SEPTIN3: variants seen among roughly 807,000 people sequenced by gnomAD.
SEPTIN3 encodes the protein septin 3.
In SEPTIN3, 15 loss-of-function variants were observed where a neutral mutation model predicts 45.1. The ratio of observed to expected loss-of-function variants is 0.33; its 90% CI spans 0.22 to 0.51. SEPTIN3 has a LOEUF of 0.51. Among genes scored for constraint, SEPTIN3 ranks in the 20% least tolerant of loss-of-function variants. The probability of loss-of-function intolerance (pLI) is 0.97; values close to 1 mark genes in which losing one functional copy is unlikely to be tolerated. For synonymous variants in SEPTIN3, 148 were observed against 164.8 expected, an observed-to-expected ratio of 0.90 and a Z score of 0.78; for missense variants, 289 against 457.2, an observed-to-expected ratio of 0.63 and a Z score of 3.35.
In SEPTIN3 at chr22:41,976,393, G is replaced by A. The variant is rs1220265923; in HGVS notation, c.1504+3397G>A. ...TCTAATGGGCAAACTGAGGCTCAGA[G>A]AAGTTCCTGTCTGGCTCAAGGTTAT... On this transcript the variant is annotated intron_variant, in intron 2 of 11. Transcript: ENST00000644076. This position sits in a 1 kb window ranked among gnomAD's most constrained non-coding sequence, Gnocchi z 5.8. 6.6e-6 allele frequency: 1 copy of A among 152,316 alleles called. No homozygotes were observed. Among genetic ancestry groups the A allele is most frequent in the Admixed American group, 6.5e-5 (1 of 15,292 alleles). The allele number at this position is 152,316 out of a possible 1,614,324, so 9.4% of individuals were successfully genotyped here.
rs59942714 is a variant in SEPTIN3, at chr22:41,994,883, CTGTGTGTGTGTGTGTGTGTGTG to C, written c.2505+188_2505+209del. ...GTCTGGTATTTGTGGAGCATCTTGT[CTGTGTGTGTGTGTGTGTGTGTG>C]TGTGTGTGTGTGTGTGTGACAGAGA... is the stretch of plus-strand genomic sequence containing the variant. On this transcript the variant is annotated intron_variant, in intron 11 of 11. Coordinates refer to ENST00000644076, the MANE Select transcript of SEPTIN3 (RefSeq NM_001363845.2). The surrounding 1 kb of genome is among the most constrained non-coding windows in gnomAD (Gnocchi z 4.2). The C allele has an allele frequency of 4.0e-5, 54 of 1,343,398 alleles. 1 individual carries two copies. In the South Asian group the frequency reaches 5.5e-4, roughly 14 times the overall value. The allele number at this position is 1,343,398 out of a possible 1,614,324, so 83.2% of individuals were successfully genotyped here.
chr22:41,982,889 C>T (rs541481584), intron 3 of SEPTIN3, among the ~76,000 whole-genome samples: 12 of 148,158 alleles, frequency 8.1e-5, no homozygotes, highest in Non-Finnish European at 1.5e-4. Flanking sequence ...GAAACTCCAT[C>T]TCAAAAAAAA....
rs1556269977 is a variant in SEPTIN3, at chr22:41,994,607, C to G, written c.2412-14C>G. 1 of 1,614,014 alleles carries G rather than the reference C, an allele frequency of 6.2e-7. No individual in the cohort carries two copies. The highest frequency in any genetic ancestry group is 1.1e-5 in the South Asian group (1 of 91,072). On this transcript the variant is annotated splice_polypyrimidine_tract_variant and intron_variant, in intron 10 of 11. Transcript: ENST00000644076. The surrounding 1 kb of genome is among the most constrained non-coding windows in gnomAD (Gnocchi z 4.2). ...CTAATTGCAGCCCTCTTCTTCTCAC[C>G]CTGTGTCCTCTAGGACCCACCTCCA...
rs905620497 is a variant in SEPTIN3 at position 41,971,654 on chromosome 22, C to A, written c.162C>A (p.Ile54=). The change falls in exon 2 of 12, where the codon ATC becomes ATA. Residue 54 remains isoleucine, a synonymous_variant. Transcript: ENST00000644076. ...SPLTPVLRKT[I]HLDTFPQSHI... ...TCACCCCCGTCCTCAGGAAGACCAT[C>A]CATCTGGATACCTTCCCCCAAAGCC... is the stretch of plus-strand genomic sequence containing the variant. 2.8e-5 allele frequency: 11 copies of A among 398,958 alleles called. No homozygotes were observed. The East Asian group carries it at 3.6e-4, about 13-fold the overall frequency. 24.7% of individuals were successfully genotyped at this position (398,958 alleles called of 1,614,324 possible).
chr22:41,991,499 G>T lies in SEPTIN3; in HGVS notation c.2164-74G>T, dbSNP rs568920538. The T allele has an allele frequency of 2.8e-6, 3 of 1,070,550 alleles. No individual in the cohort carries two copies. In the South Asian group the frequency reaches 3.8e-5, roughly 13 times the overall value. 66.3% of individuals were successfully genotyped at this position (1,070,550 alleles called of 1,614,324 possible). On this transcript the variant is annotated intron_variant, in intron 7 of 11. Transcript: ENST00000644076. ...ATTTGGCTCTCTGACCTCAGCTCAC[G>T]CACACAGGTGCACACACCCCTCTTT...
intron 11 of SEPTIN3, 180 bp from the exon 12 acceptor site, chr22:41,996,722 G>A: frequency 6.7e-7 from 1 of 1,489,268 alleles, no homozygotes; most frequent in Non-Finnish European, 8.9e-7. Flanking sequence ...GTCCTGTATG[G>A]AGACCTTGGA....
chr22:41,978,013 G>A (rs1056523275), intron 2 of SEPTIN3, among the ~76,000 whole-genome samples: 10 of 152,148 alleles, frequency 6.6e-5, no homozygotes, highest in African/African-American at 2.4e-4. Context: ...GGGGCCCCAA[G>A]GACCATCTAG....
intron 2 of SEPTIN3, among the ~76,000 whole-genome samples, chr22:41,979,660 G>A (rs2078090148): frequency 6.6e-6 from 1 of 152,258 alleles, no homozygotes. Flanking sequence ...AGCTTCCTGG[G>A]AAGCAAGAGA....
chr22:41,971,504 C>T lies in SEPTIN3; in HGVS notation c.12C>T (p.Asn4=), dbSNP rs768859201. 10 of 399,266 alleles carry T rather than the reference C, an allele frequency of 2.5e-5. No homozygotes were observed. Among genetic ancestry groups the T allele is most frequent in the Non-Finnish European group, 4.4e-5 (10 of 226,240 alleles). 24.7% of individuals were successfully genotyped at this position (399,266 alleles called of 1,614,324 possible). A position where few individuals can be genotyped will look rare whatever the true frequency, so the allele number is the denominator to read the frequency against. MDH[N]FAPAPPEMQS... ...GACAAACGACCTGGATGGACCACAA[C>T]TTTGCTCCTGCTCCTCCAGAGATGC... The change falls in exon 2 of 12, where the codon AAC becomes AAT. Residue 4 remains asparagine, a synonymous_variant. Coordinates refer to ENST00000644076, the MANE Select transcript of SEPTIN3 (RefSeq NM_001363845.2).
intron 2 of SEPTIN3, among the ~76,000 whole-genome samples, chr22:41,980,086 G>GCTGGGGCAAAAGGGT (rs1455701641): frequency 6.6e-6 from 1 of 150,872 alleles, no homozygotes; most frequent in Non-Finnish European, 1.5e-5. Context: ...CCTGAAAGGG[G>GCTGGGGCAAAAGGGT]CTGGGGCAAA....
At position 41,973,659 on chromosome 22, in the gene SEPTIN3, C is replaced by A. The variant is rs1188042694; in HGVS notation, c.1504+663C>A. 2.1e-5 allele frequency among the ~76,000 whole-genome samples: 3 copies of A among 143,496 alleles called. No homozygotes were observed. In the East Asian group the frequency reaches 6.4e-4, roughly 31 times the overall value. The allele number at this position is 143,496 out of a possible 152,430, so 94.1% of individuals were successfully genotyped here. ...CTGCACTCCAGCCTGGGCGACAGAG[C>A]GAGACTCCGTCTCAAAAAAATAAAA... On this transcript the variant is annotated intron_variant, in intron 2 of 11. Coordinates refer to ENST00000644076, the MANE Select transcript of SEPTIN3 (RefSeq NM_001363845.2).
chr22:41,997,052 C>G lies in SEPTIN3; in HGVS notation c.*85C>G. 6.2e-7 allele frequency: 1 copy of G among 1,602,148 alleles called. No individual in the cohort carries two copies. ...AAGCCCTTTTTAGTGCTGTGCTCGTCCAGCTCACCACCACAGCCCCTCTCA... is the reference window on the plus strand; with the variant it reads ...AAGCCCTTTTTAGTGCTGTGCTCGTGCAGCTCACCACCACAGCCCCTCTCA... On this transcript the variant is annotated 3_prime_UTR_variant, in exon 12 of 12. Coordinates refer to ENST00000644076, the MANE Select transcript of SEPTIN3 (RefSeq NM_001363845.2).
Position 41,981,660 on chromosome 22 carries a change from G to A in SEPTIN3, c.1520G>A (p.Arg507Lys), listed in dbSNP as rs2078122676. 6.2e-7 allele frequency: 1 copy of A among 1,613,156 alleles called. No homozygotes were observed. Among genetic ancestry groups the A allele is most frequent in the Non-Finnish European group, 8.5e-7 (1 of 1,179,902 alleles). Residue 507 changes from arginine to lysine, a missense_variant, in exon 3 of 12, where the codon AGG (arginine) becomes AAG (lysine). Arg to Lys is a conservative substitution (Grantham distance 26). Around this residue, in one of 3 missense-constraint regions of SEPTIN3, gnomAD observed 200 missense variants for 315.1 expected, o/e 0.63. Coordinates refer to ENST00000644076, the MANE Select transcript of SEPTIN3 (RefSeq NM_001363845.2). ...GGCTCTGCAGGGCTCCCAGAGACCA[G>A]GACGGACGCAGCCATGTCAGAGCTG... Reference protein sequence around the residue: ...ATEYKGLPETRTDAAMSELVP... With the variant: ...ATEYKGLPETKTDAAMSELVP...
At chr22:41,974,860 GAAAAAAAAAAAAAAAAA>G (rs55642127) in intron 2 of SEPTIN3, among the ~76,000 whole-genome samples, 1 of 74,298 alleles carries the variant, frequency 1.3e-5, no homozygotes, top group East Asian at 4.5e-4. Flanking sequence ...GTCTCAAAAA[GAAAAAAAAAAAAAAAAA>G]AAAAAAAAAA....
At chr22:41,977,287 A>G (rs2078044632) in intron 2 of SEPTIN3, among the ~76,000 whole-genome samples, 1 of 152,042 alleles carries the variant, frequency 6.6e-6, no homozygotes, top group Non-Finnish European at 1.5e-5. Flanking sequence ...GCAGGGACCC[A>G]CGGACACGCA....
chr22:41,989,126 C>CAAAAAA (rs71184854), intron 6 of SEPTIN3, among the ~76,000 whole-genome samples: 4 of 88,592 alleles, frequency 4.5e-5, no homozygotes, highest in Non-Finnish European at 4.1e-5. Context: ...GACCCTGTCT[C>CAAAAAA]AAAAAAAAAA....
At chr22:41,970,319 C>T (rs533683913) in intron 1 of SEPTIN3, among the ~76,000 whole-genome samples, 28 of 152,240 alleles carry the variant, frequency 1.8e-4, no homozygotes, top group African/African-American at 6.5e-4. Context: ...ATCCTCGACA[C>T]CTCTTTGTGC....
intron 2 of SEPTIN3, chr22:41,981,393 C>A: frequency 2.2e-6 from 1 of 445,338 alleles, no homozygotes; most frequent in Non-Finnish European, 4.0e-6. Flanking sequence ...TTGAAAGTGC[C>A]CAGCAACCAG....
Position 41,992,919 on chromosome 22 carries a change from G to A in SEPTIN3, c.2359+156G>A, listed in dbSNP as rs577554599. 2.0e-3 allele frequency among the ~76,000 whole-genome samples: 299 copies of A among 152,292 alleles called. 5 individuals are homozygous for A. In the South Asian group the frequency reaches 0.059, roughly 30 times the overall value. ...GAGCTTACAGTCTCATTGAGAAGAC[G>A]ATGCTCACAGGCAGGAGTAACAAGA... On this transcript the variant is annotated intron_variant, in intron 9 of 11. Coordinates refer to ENST00000644076, the MANE Select transcript of SEPTIN3 (RefSeq NM_001363845.2).
Sources: allele counts gnomAD v4.1 joint callset (sites outside exome capture counted in the v4.1 genomes callset), GRCh38; gene constraint gnomAD v4.1.1; regional missense constraint gnomAD v4.1.1; non-coding constraint Gnocchi (gnomAD v3.1); transcripts MANE v1.5; gene names NCBI Gene and HGNC (gene_info 2026-07-23, HGNC 2026-07-21).